The following L3MBTL4 variants were observed in gnomAD, a reference collection of about 807,000 sequenced individuals.
The protein encoded by L3MBTL4 is lethal(3)malignant brain tumor-like protein 4.
L3MBTL4 carries 70 observed loss-of-function variants against 84.5 expected under a neutral mutation model. That is an observed-to-expected ratio of 0.83 (90% CI 0.68 to 1.01). The LOEUF is 1.01. Ranked by LOEUF, L3MBTL4 falls within the 50% of genes least tolerant of loss-of-function variation. The probability of loss-of-function intolerance (pLI) is 0.00; values close to 1 mark genes in which losing one functional copy is unlikely to be tolerated. For missense variants in L3MBTL4, 715 were observed against 754.8 expected (o/e 0.95, Z 0.62); for synonymous variants, 274 against 259.8 (o/e 1.05, Z -0.52).
intron 16 of L3MBTL4, among the ~76,000 whole-genome samples, chr18:6,071,816 G>A (rs1050640703): frequency 4.7e-4 from 45 of 95,740 alleles, no homozygotes; most frequent in Middle Eastern, 4.6e-3. Context: ...AGAAAGAAAG[G>A]AAAGAAAGAA....
At chr18:6,300,870 A>C (rs989679570) in intron 4 of L3MBTL4, among the ~76,000 whole-genome samples, 1 of 152,228 alleles carries the variant, frequency 6.6e-6, no homozygotes, top group Non-Finnish European at 1.5e-5. Flanking sequence ...TAACTGAGGT[A>C]TATTTTGATA....
chr18:6,161,792 C>A (rs1055527419), intron 13 of L3MBTL4, among the ~76,000 whole-genome samples: 9 of 152,140 alleles, frequency 5.9e-5, no homozygotes, highest in Non-Finnish European at 1.2e-4. Flanking sequence ...TGTAAAACAA[C>A]AGTAGCAATC....
chr18:6,168,251 C>T (rs908090634), intron 13 of L3MBTL4, among the ~76,000 whole-genome samples: 9 of 152,040 alleles, frequency 5.9e-5, no homozygotes, highest in African/African-American at 9.7e-5. Context: ...GCCATACTGC[C>T]CAAGGTAATT....
intron 14 of L3MBTL4, among the ~76,000 whole-genome samples, chr18:6,095,541 G>A (rs568524763): frequency 1.3e-4 from 20 of 152,084 alleles, no homozygotes; most frequent in African/African-American, 3.4e-4. Flanking sequence ...TAGTAGAGAC[G>A]GGGTTTCAAC....
intron 16 of L3MBTL4, among the ~76,000 whole-genome samples, chr18:6,048,151 A>G (rs756911573): frequency 6.6e-6 from 1 of 152,150 alleles, no homozygotes; most frequent in Non-Finnish European, 1.5e-5. Flanking sequence ...AATAGCTACA[A>G]TAAAAATAAA....
At chr18:6,121,079 A>G (rs896314916) in intron 14 of L3MBTL4, among the ~76,000 whole-genome samples, 16 of 152,142 alleles carry the variant, frequency 1.1e-4, no homozygotes, top group Non-Finnish European at 1.9e-4. Flanking sequence ...TCAAGTCTCC[A>G]TTAATTACAC....
At chr18:6,078,940 C>G (rs2057970933) in intron 16 of L3MBTL4, among the ~76,000 whole-genome samples, 1 of 152,204 alleles carries the variant, frequency 6.6e-6, no homozygotes, top group Non-Finnish European at 1.5e-5. Context: ...AACACGCAAT[C>G]TAGATCCCTC....
At chr18:6,236,951 G>C (rs921535046) in intron 10 of L3MBTL4, among the ~76,000 whole-genome samples, 2 of 152,118 alleles carry the variant, frequency 1.3e-5, no homozygotes, top group Admixed American at 1.3e-4. Flanking sequence ...ATTCTGGAAT[G>C]GCACATCCCT....
At chr18:6,202,848 A>C (rs917595118) in intron 12 of L3MBTL4, among the ~76,000 whole-genome samples, 2 of 152,218 alleles carry the variant, frequency 1.3e-5, no homozygotes, top group Non-Finnish European at 2.9e-5. Flanking sequence ...CAAAAGTACC[A>C]GTTACATACC....
chr18:6,063,888 T>C (rs2057317789), intron 16 of L3MBTL4, among the ~76,000 whole-genome samples: 1 of 152,128 alleles, frequency 6.6e-6, no homozygotes, highest in African/African-American at 2.4e-5. Context: ...ATTTTTGTTT[T>C]TGCTGTATTT....
intron 1 of L3MBTL4, among the ~76,000 whole-genome samples, chr18:6,359,190 C>T (rs373902094): frequency 7.9e-5 from 12 of 152,294 alleles, no homozygotes; most frequent in South Asian, 4.1e-4. Flanking sequence ...CTGGGCACGG[C>T]GGCTCATGCC....
chr18:6,351,549 G>T (rs11874785), intron 1 of L3MBTL4, among the ~76,000 whole-genome samples: 41,196 of 151,418 alleles, frequency 0.27, 7,289 homozygotes, highest in African/African-American at 0.51. Context: ...TTTTAAATGT[G>T]GATTTTTTAT....
chr18:6,357,429 G>A (rs149201970), intron 1 of L3MBTL4, among the ~76,000 whole-genome samples: 78 of 152,206 alleles, frequency 5.1e-4, no homozygotes, highest in South Asian at 1.5e-3. Context: ...TCTGCAGCTC[G>A]TTTAATTTTG....
chr18:6,202,546 G>A (rs1185218635), intron 12 of L3MBTL4, among the ~76,000 whole-genome samples: 3 of 152,126 alleles, frequency 2.0e-5, no homozygotes, highest in Admixed American at 2.0e-4. Flanking sequence ...GGTGAGATAT[G>A]CTGCTGGCTT....
At chr18:6,379,350 C>G (rs1017742899) in intron 1 of L3MBTL4, among the ~76,000 whole-genome samples, 19 of 152,110 alleles carry the variant, frequency 1.2e-4, no homozygotes, top group Non-Finnish European at 7.4e-5. Context: ...ACTTCCAATA[C>G]TATGTTGAAT....
Position 6,244,415 on chromosome 18 carries a change from T to C in L3MBTL4, c.324+69A>G, listed in dbSNP as rs758612325. The stretch of plus-strand genomic sequence containing the variant: ...CTTCATAATAAATATCAAACAAATT[T>C]GTTATTTTCTAGAAAATTATCTTTC... On this transcript the variant is annotated intron_variant, in intron 6 of 18. Coordinates refer to ENST00000317931, the MANE Select transcript of L3MBTL4 (RefSeq NM_001330559.2). 8 of 976,472 alleles carry C rather than the reference T, an allele frequency of 8.2e-6. No homozygotes were observed. In the Admixed American group the frequency reaches 8.5e-5, roughly 10 times the overall value. The allele number at this position is 976,472 out of a possible 1,614,324, so 60.5% of individuals were successfully genotyped here.
intron 1 of L3MBTL4, among the ~76,000 whole-genome samples, chr18:6,327,861 T>C (rs2051812408): frequency 6.6e-6 from 1 of 152,254 alleles, no homozygotes; most frequent in Admixed American, 6.5e-5. Context: ...TACGTTCTCA[T>C]ATTTATTTCT....
At chr18:6,033,179 T>C (rs1334579921) in intron 16 of L3MBTL4, among the ~76,000 whole-genome samples, 1 of 152,258 alleles carries the variant, frequency 6.6e-6, no homozygotes, top group African/African-American at 2.4e-5. Flanking sequence ...TGCACAAATG[T>C]TTATAATTGT....
intron 1 of L3MBTL4, among the ~76,000 whole-genome samples, chr18:6,340,004 A>G (rs918360667): frequency 1.3e-5 from 2 of 152,190 alleles, no homozygotes; most frequent in Admixed American, 1.3e-4. Context: ...TTTTTTAAAA[A>G]TAACACAAAG....
Sources: gnomAD v4.1 joint callset for allele counts (sites outside exome capture counted in the v4.1 genomes callset) on GRCh38, gnomAD v4.1.1 for gene constraint, MANE v1.5 for transcripts, NCBI Gene and HGNC (gene_info 2026-07-23, HGNC 2026-07-21) for gene names.